The following ARB2A variants were observed in gnomAD, a reference collection of about 807,000 sequenced individuals.
ARB2A encodes cotranscriptional regulator ARB2A.
chr5:94,084,519 A>T, the ARB2A span, among the ~76,000 whole-genome samples: 5 of 152,164 alleles, frequency 3.3e-5, no homozygotes, highest in African/African-American at 4.8e-5. Context: ...AAACCCCAAA[A>T]TGTTTTTCAC....
At chr5:94,028,381 G>A in the ARB2A span, among the ~76,000 whole-genome samples, 1 of 152,106 alleles carries the variant, frequency 6.6e-6, no homozygotes, top group Admixed American at 6.5e-5. Flanking sequence ...GTATGCTCCA[G>A]GCAAAATATT....
chr5:93,659,805 A>G, the ARB2A span, among the ~76,000 whole-genome samples: 3 of 152,120 alleles, frequency 2.0e-5, no homozygotes, highest in Non-Finnish European at 4.4e-5. Flanking sequence ...CTTTAAATAC[A>G]TTATAAACAC....
chr5:93,668,292 T>C, the ARB2A span, among the ~76,000 whole-genome samples: 3 of 151,096 alleles, frequency 2.0e-5, no homozygotes, highest in African/African-American at 7.3e-5. Flanking sequence ...TTTAGTAGAG[T>C]CAGGGTTTCG....
At chr5:93,620,927 C>A in the ARB2A span, 2 of 1,581,886 alleles carry the variant, frequency 1.3e-6, no homozygotes, top group South Asian at 1.1e-5. Flanking sequence ...TCGACACAAG[C>A]AGTGAGGAGG....
chr5:93,836,454 A>T, the ARB2A span, among the ~76,000 whole-genome samples: 1 of 152,238 alleles, frequency 6.6e-6, no homozygotes, highest in African/African-American at 2.4e-5. Context: ...TAAAGCTTTA[A>T]ACTTTTGGAT....
the ARB2A span, among the ~76,000 whole-genome samples, chr5:93,908,923 G>A: frequency 1.3e-5 from 2 of 150,952 alleles, no homozygotes; most frequent in East Asian, 3.9e-4. Context: ...GAAATTAGGA[G>A]TGAAGAAGTT....
the ARB2A span, among the ~76,000 whole-genome samples, chr5:93,695,501 G>C: frequency 6.6e-6 from 1 of 152,222 alleles, no homozygotes; most frequent in Non-Finnish European, 1.5e-5. Context: ...TCTCATGCCA[G>C]TTAGAATGGC....
At chr5:93,763,496 A>G in the ARB2A span, among the ~76,000 whole-genome samples, 6 of 152,234 alleles carry the variant, frequency 3.9e-5, no homozygotes, top group Non-Finnish European at 1.5e-5. Context: ...AGAAGCGCTA[A>G]CTACCCTAAA....
At chr5:93,718,507 C>T in the ARB2A span, among the ~76,000 whole-genome samples, 3 of 151,908 alleles carry the variant, frequency 2.0e-5, no homozygotes, top group East Asian at 1.9e-4. Flanking sequence ...AATAACAGAA[C>T]GTGGAGAAAA....
At chr5:93,915,096 C>T in the ARB2A span, among the ~76,000 whole-genome samples, 6 of 151,904 alleles carry the variant, frequency 3.9e-5, no homozygotes, top group Admixed American at 2.6e-4. Flanking sequence ...ACTCTTTTTA[C>T]TAAATCGTTT....
chr5:93,622,523 G>A, the ARB2A span, among the ~76,000 whole-genome samples: 746 of 152,330 alleles, frequency 4.9e-3, 3 homozygotes, highest in Non-Finnish European at 8.2e-3. Context: ...CTGTCGGCCA[G>A]AGAGCAGAAA....
the ARB2A span, among the ~76,000 whole-genome samples, chr5:94,090,501 T>C: frequency 1.3e-5 from 2 of 152,198 alleles, no homozygotes; most frequent in African/African-American, 4.8e-5. Flanking sequence ...CTCTTGCTAT[T>C]TGAATACCCT....
the ARB2A span, among the ~76,000 whole-genome samples, chr5:93,753,940 C>T: frequency 6.6e-6 from 1 of 152,014 alleles, no homozygotes; most frequent in Middle Eastern, 3.4e-3. Flanking sequence ...ACAAAGTGGC[C>T]AAAGGCATGT....
chr5:94,106,870 G>GA, the ARB2A span, among the ~76,000 whole-genome samples: 10,264 of 57,584 alleles, frequency 0.18, 785 homozygotes, highest in East Asian at 0.2. Context: ...AATCAATGCA[G>GA]AAAAAAAAAA....
At chr5:93,661,554 CAG>C in the ARB2A span, among the ~76,000 whole-genome samples, 62 of 152,126 alleles carry the variant, frequency 4.1e-4, no homozygotes, top group Non-Finnish European at 8.1e-4. Context: ...CATCACCTAT[CAG>C]GGGTGTCCAA....
the ARB2A span, among the ~76,000 whole-genome samples, chr5:93,950,636 C>T: frequency 4.0e-5 from 6 of 151,330 alleles, no homozygotes; most frequent in Admixed American, 1.3e-4. Flanking sequence ...GAGCAAGACT[C>T]GGTCTCAAAA....
chr5:94,111,555 G>A, the ARB2A span: 3 of 152,416 alleles, frequency 2.0e-5, no homozygotes, highest in East Asian at 5.8e-4. Context: ...CAGGCGGGAG[G>A]AGGCGTGGCC....
chr5:93,976,169 G>A, the ARB2A span, among the ~76,000 whole-genome samples: 1 of 152,010 alleles, frequency 6.6e-6, no homozygotes, highest in Non-Finnish European at 1.5e-5. Flanking sequence ...TTATTGAGAT[G>A]ATCATTCATC....
At chr5:93,932,372 C>A in the ARB2A span, among the ~76,000 whole-genome samples, 1 of 152,130 alleles carries the variant, frequency 6.6e-6, no homozygotes, top group Non-Finnish European at 1.5e-5. Flanking sequence ...AGAAAGTGCT[C>A]AGATGTACTG....
Sources: allele counts gnomAD v4.1 joint callset (sites outside exome capture counted in the v4.1 genomes callset), GRCh38; gene constraint gnomAD v4.1.1; transcripts MANE v1.5; gene names NCBI Gene and HGNC (gene_info 2026-07-23, HGNC 2026-07-21).